Variants in RNF217 observed in about 807,000 individuals in gnomAD.
RNF217 encodes E3 ubiquitin-protein ligase RNF217.
Under a neutral mutation model 57.8 loss-of-function variants are expected in RNF217, and 31 were observed. The ratio of observed to expected loss-of-function variants is 0.54; its 90% CI spans 0.40 to 0.72. The LOEUF is 0.72. Ranked by LOEUF, RNF217 falls within the 30% of genes least tolerant of loss-of-function variation. The probability of loss-of-function intolerance (pLI) is 0.00; values close to 1 mark genes in which losing one functional copy is unlikely to be tolerated. For missense variants in RNF217, 696 were observed against 708.3 expected, an observed-to-expected ratio of 0.98 and a Z score of 0.20; for synonymous variants, 313 against 294.0, an observed-to-expected ratio of 1.06 and a Z score of -0.66.
At chr6:125,007,520 T>C (rs1363749758) in intron 1 of RNF217, among the ~76,000 whole-genome samples, 1 of 152,228 alleles carries the variant, frequency 6.6e-6, no homozygotes, top group Non-Finnish European at 1.5e-5. Flanking sequence ...GTGCTGGGAT[T>C]ACAGGCATGA....
chr6:124,964,287 C>T (rs1188345429), intron 1 of RNF217, among the ~76,000 whole-genome samples: 2 of 152,196 alleles, frequency 1.3e-5, no homozygotes, highest in East Asian at 3.9e-4. Flanking sequence ...TCTTTCAAAA[C>T]CCTGTGTGTT....
At chr6:125,082,022 A>G (rs982017866) in intron 5 of RNF217, among the ~76,000 whole-genome samples, 1 of 152,116 alleles carries the variant, frequency 6.6e-6, no homozygotes, top group African/African-American at 2.4e-5. Flanking sequence ...CAAGTATATT[A>G]AAATGTGTAT....
intron 4 of RNF217, among the ~76,000 whole-genome samples, chr6:125,078,458 G>A (rs1788458075): frequency 6.6e-6 from 1 of 152,114 alleles, no homozygotes; most frequent in Non-Finnish European, 1.5e-5. Context: ...TCTGGAGGCT[G>A]AGCAGTCCAA....
rs955245817 is a variant in RNF217 at position 125,026,277 on chromosome 6, C to T, written c.883-18934C>T. On this transcript the variant is annotated intron_variant, in intron 1 of 5. Transcript: ENST00000521654. ...GTGTCCAGGCTCTGCCAGTGACTAA[C>T]ATTGAATTAAAGCTTTAGTACTTTC... Among the ~76,000 whole-genome samples the T allele has an allele frequency of 2.0e-5, 3 of 152,144 alleles. No homozygotes were observed. The South Asian group carries it at 6.2e-4, about 32-fold the overall frequency.
At chr6:125,052,280 C>T (rs1006945109) in intron 2 of RNF217, among the ~76,000 whole-genome samples, 2 of 116,416 alleles carry the variant, frequency 1.7e-5, no homozygotes, top group Non-Finnish European at 3.4e-5. Context: ...CCTTGTCATG[C>T]GTTTTGTGTG....
intron 5 of RNF217, chr6:125,082,360 C>A (rs911218747): frequency 2.3e-6 from 3 of 1,314,720 alleles, no homozygotes; most frequent in African/African-American, 1.5e-5. Flanking sequence ...ATGTGCAGGA[C>A]AGATAGAATT....
chr6:125,071,480 A>G (rs914887840), intron 3 of RNF217, among the ~76,000 whole-genome samples: 1 of 134,336 alleles, frequency 7.4e-6, no homozygotes. Flanking sequence ...GCATCTGCCT[A>G]CATATGTGTG....
intron 3 of RNF217, among the ~76,000 whole-genome samples, chr6:125,065,924 C>T (rs931663082): frequency 1.3e-5 from 2 of 152,104 alleles, no homozygotes; most frequent in Admixed American, 6.5e-5. Flanking sequence ...TAGACTTCTC[C>T]AACGCAGTAT....
intron 1 of RNF217, among the ~76,000 whole-genome samples, chr6:125,018,452 T>G (rs1785695058): frequency 6.6e-6 from 1 of 152,162 alleles, no homozygotes; most frequent in Admixed American, 6.5e-5. Context: ...GATGAAAACA[T>G]AGCATCTTGT....
chr6:125,070,365 A>T (rs1410065943), intron 3 of RNF217, among the ~76,000 whole-genome samples: 1 of 152,208 alleles, frequency 6.6e-6, no homozygotes, highest in Non-Finnish European at 1.5e-5. Context: ...TTTTGGATAG[A>T]TATTCAGCAG....
At position 125,085,765 on chromosome 6, in the gene RNF217, G is replaced by A. The variant is rs542344338; in HGVS notation, c.*2828G>A. ...TAATGGTTTGGTATGTGTCCTTCCA[G>A]ACACTTTCTACAAATATACAAATAA... On this transcript the variant is annotated 3_prime_UTR_variant, in exon 6 of 6. Coordinates refer to ENST00000521654, the MANE Select transcript of RNF217 (RefSeq NM_001286398.3). 6.6e-6 allele frequency: 1 copy of A among 151,902 alleles called. No individual in the cohort carries two copies. The highest frequency in any genetic ancestry group is 2.1e-4 in the South Asian group (1 of 4,828). The allele number at this position is 151,902 out of a possible 1,614,324, so 9.4% of individuals were successfully genotyped here. A position where few individuals can be genotyped will look rare whatever the true frequency, so the allele number is the denominator to read the frequency against.
intron 1 of RNF217, among the ~76,000 whole-genome samples, chr6:125,019,801 T>TG (rs1785754536): frequency 6.8e-6 from 1 of 146,294 alleles, no homozygotes; most frequent in Non-Finnish European, 1.5e-5. Flanking sequence ...CCATGTTGCC[T>TG]GCTCTCTTGC....
At chr6:125,013,440 A>G (rs897604139) in intron 1 of RNF217, among the ~76,000 whole-genome samples, 1 of 151,206 alleles carries the variant, frequency 6.6e-6, no homozygotes, top group African/African-American at 2.4e-5. Flanking sequence ...GGGGATGTTC[A>G]TAAGAGACCT....
chr6:125,037,497 A>T (rs1786686313), intron 1 of RNF217, among the ~76,000 whole-genome samples: 1 of 152,116 alleles, frequency 6.6e-6, no homozygotes, highest in Non-Finnish European at 1.5e-5. Context: ...GATTTCTGGA[A>T]TTTTTGGCTT....
intron 1 of RNF217, among the ~76,000 whole-genome samples, chr6:124,989,816 T>C (rs973560018): frequency 6.6e-6 from 1 of 151,548 alleles, no homozygotes; most frequent in African/African-American, 2.4e-5. Flanking sequence ...TTTTTCTCTT[T>C]ATTGGATCTT....
Position 125,083,072 on chromosome 6 carries a change from G to A in RNF217, c.*135G>A, listed in dbSNP as rs1459201512. ...CTCATCTCCCAGTGATTCTCCGTGGGCCACAATGCCTCTAGCTATGGTGCA... is the reference window on the plus strand; with the variant it reads ...CTCATCTCCCAGTGATTCTCCGTGGACCACAATGCCTCTAGCTATGGTGCA... On this transcript the variant is annotated 3_prime_UTR_variant, in exon 6 of 6. Coordinates refer to ENST00000521654, the MANE Select transcript of RNF217 (RefSeq NM_001286398.3). 2 of 582,512 alleles carry A rather than the reference G, an allele frequency of 3.4e-6. No homozygotes were observed. The highest frequency in any genetic ancestry group is 3.7e-5 in the Admixed American group (1 of 26,944). The allele number at this position is 582,512 out of a possible 1,614,324, so 36.1% of individuals were successfully genotyped here.
chr6:125,079,658 TAATG>T (rs928637524), intron 4 of RNF217, among the ~76,000 whole-genome samples: 1 of 152,126 alleles, frequency 6.6e-6, no homozygotes, highest in Non-Finnish European at 1.5e-5. Context: ...CTTTCATACT[TAATG>T]AATTGAAATT....
chr6:125,057,995 G>A lies in RNF217; in HGVS notation c.1170G>A (p.Trp390Ter). Reference protein sequence around the residue: ...FVWCFKCHSPWHEGVNCKEYK... With the variant: ...FVWCFKCHSP ...GGTGTTTTAAGTGCCACTCTCCTTGGCATGAAGGTGTTAACTGCAAGGAGT... is the reference window on the plus strand; with the variant it reads ...GGTGTTTTAAGTGCCACTCTCCTTGACATGAAGGTGTTAACTGCAAGGAGT... Residue 390 changes from tryptophan to a stop codon, truncating the protein, a stop_gained, in exon 3 of 6, where the codon TGG becomes TGA. Transcript: ENST00000521654. LOFTEE classifies it high-confidence loss of function. The A allele has an allele frequency of 6.2e-7, 1 of 1,612,754 alleles. No individual in the cohort carries two copies. Among genetic ancestry groups the A allele is most frequent in the Non-Finnish European group, 8.5e-7 (1 of 1,179,276 alleles).
intron 1 of RNF217, among the ~76,000 whole-genome samples, chr6:124,990,674 T>A (rs1016485639): frequency 1.3e-5 from 2 of 152,186 alleles, no homozygotes; most frequent in Non-Finnish European, 2.9e-5. Context: ...TTTCCCCTGC[T>A]ACCACTGTGA....
Sources: allele counts gnomAD v4.1 joint callset (sites outside exome capture counted in the v4.1 genomes callset), GRCh38; gene constraint gnomAD v4.1.1; transcripts MANE v1.5; gene names NCBI Gene and HGNC (gene_info 2026-07-23, HGNC 2026-07-21).